Variants in XCR1 observed in about 807,000 individuals in gnomAD.
XCR1 encodes the protein X-C motif chemokine receptor 1, also known as chemokine XC receptor 1.
For missense variants in XCR1, 356 were observed against 424.2 expected (o/e 0.84, Z 1.41); for synonymous variants, 187 against 188.5 (o/e 0.99, Z 0.06).
chr3:46,034,065 T>C (rs1009373697), intron 5 of XCR1, among the ~76,000 whole-genome samples: 6 of 152,054 alleles, frequency 3.9e-5, no homozygotes, highest in Non-Finnish European at 8.8e-5. Context: ...CTCTGCCTCC[T>C]GGGTTCAAGT....
chr3:46,039,078 G>A (rs546508735), intron 5 of XCR1, among the ~76,000 whole-genome samples: 1 of 151,710 alleles, frequency 6.6e-6, no homozygotes, highest in Non-Finnish European at 1.5e-5. Flanking sequence ...ATATGTGCAA[G>A]TGTTTCACTG....
At chr3:46,053,844 T>C (rs34339943) in intron 5 of XCR1, among the ~76,000 whole-genome samples, 13,643 of 151,994 alleles carry the variant, frequency 0.09, 985 homozygotes, top group South Asian at 0.34. Flanking sequence ...TGCCCCATGT[T>C]ACCCTGATTC....
At chr3:46,081,128 A>G (rs1255495139) in intron 1 of XCR1, among the ~76,000 whole-genome samples, 3 of 152,232 alleles carry the variant, frequency 2.0e-5, no homozygotes, top group Non-Finnish European at 4.4e-5. Context: ...GAGCTCCAGA[A>G]CGGCCAAGAA....
At chr3:46,082,408 T>TACAC (rs34278810) in intron 1 of XCR1, among the ~76,000 whole-genome samples, 69 of 146,188 alleles carry the variant, frequency 4.7e-4, no homozygotes, top group Admixed American at 2.1e-3. Flanking sequence ...TATACATGCA[T>TACAC]ACACACACAC....
chr3:46,060,793 C>A (rs1425100557), intron 4 of XCR1, among the ~76,000 whole-genome samples: 1 of 152,208 alleles, frequency 6.6e-6, no homozygotes, highest in Non-Finnish European at 1.5e-5. Context: ...CACACACATC[C>A]TCCTGGAGGA....
intron 4 of XCR1, among the ~76,000 whole-genome samples, chr3:46,054,362 C>A (rs971634895): frequency 2.6e-5 from 4 of 152,108 alleles, no homozygotes; most frequent in African/African-American, 7.2e-5. Flanking sequence ...GCAGTGGGAG[C>A]AGTCGTGAGT....
chr3:46,067,103 C>T (rs191556393), intron 3 of XCR1, among the ~76,000 whole-genome samples: 66 of 152,254 alleles, frequency 4.3e-4, no homozygotes, highest in Admixed American at 8.5e-4. Context: ...GCATAGCATA[C>T]CTCTAGGTGC....
chr3:46,023,873 G>T, intron 1 of XCR1: 1 of 1,526,730 alleles, frequency 6.5e-7, no homozygotes, highest in Non-Finnish European at 9.1e-7. Context: ...GAAAGATTAA[G>T]GAAAGAAAAT....
intron 3 of XCR1, among the ~76,000 whole-genome samples, chr3:46,067,715 T>C (rs566088610): frequency 7.9e-5 from 12 of 152,114 alleles, no homozygotes; most frequent in Non-Finnish European, 1.6e-4. Flanking sequence ...TTCAAAACTG[T>C]CACATGGAGA....
chr3:46,047,818 T>C (rs558004614), intron 5 of XCR1, among the ~76,000 whole-genome samples: 1 of 152,336 alleles, frequency 6.6e-6, no homozygotes, highest in Non-Finnish European at 1.5e-5. Flanking sequence ...TTCTGATTTT[T>C]GTCTTTTCCA....
intron 3 of XCR1, among the ~76,000 whole-genome samples, chr3:46,069,319 G>T (rs1260786527): frequency 6.6e-6 from 1 of 151,958 alleles, no homozygotes; most frequent in Non-Finnish European, 1.5e-5. Flanking sequence ...TCTTTGAAAA[G>T]ATCAATAAAA....
At chr3:46,071,904 T>A (rs112909931) in intron 3 of XCR1, among the ~76,000 whole-genome samples, 7,948 of 151,914 alleles carry the variant, frequency 0.052, 288 homozygotes, top group African/African-American at 0.1. Flanking sequence ...CTGGAACAAG[T>A]CAAGAATGTC....
chr3:46,027,783 C>T (rs1708326941), upstream of XCR1: 1 of 152,288 alleles, frequency 6.6e-6, no homozygotes, highest in Admixed American at 6.5e-5. Context: ...CTCTCCTTGG[C>T]ACGCCTTTGT....
At chr3:46,044,976 A>G (rs1203955750) in intron 5 of XCR1, among the ~76,000 whole-genome samples, 1 of 152,204 alleles carries the variant, frequency 6.6e-6, no homozygotes, top group Non-Finnish European at 1.5e-5. Flanking sequence ...AGCAGAAGGA[A>G]CATTTATGAA....
intron 1 of XCR1, among the ~76,000 whole-genome samples, chr3:46,023,099 C>T (rs923558105): frequency 3.9e-5 from 6 of 152,198 alleles, no homozygotes; most frequent in Non-Finnish European, 7.4e-5. Context: ...AAAACACCAG[C>T]GCGTGTGACG....
At chr3:46,083,545 G>T (rs1451622234) in intron 1 of XCR1, among the ~76,000 whole-genome samples, 1 of 151,442 alleles carries the variant, frequency 6.6e-6, no homozygotes, top group East Asian at 1.9e-4. Context: ...ATAGCTCCAT[G>T]CATTTTTTTT....
At chr3:46,048,999 C>T (rs1034028427) in intron 5 of XCR1, among the ~76,000 whole-genome samples, 9 of 152,150 alleles carry the variant, frequency 5.9e-5, no homozygotes, top group East Asian at 1.9e-4. Flanking sequence ...CTAGTATAAG[C>T]GGGTCCATTG....
At position 46,021,855 on chromosome 3, in the gene XCR1, G is replaced by T; in HGVS notation, c.93C>A (p.Thr31=). ...GGCAGTATAGGACAGTGGTGGCGAGGGTAGCAAAGACCCAGGCCTGGTTCT... is the reference window on the plus strand; with the variant it reads ...GGCAGTATAGGACAGTGGTGGCGAGTGTAGCAAAGACCCAGGCCTGGTTCT... The part of the protein sequence containing the change: ...PCENQAWVFA[T]LATTVLYCLV... Residue 31 remains threonine, a synonymous_variant, in exon 2 of 2, where the codon ACC becomes ACA. Transcript: ENST00000309285. The surrounding 1 kb of genome is among the most constrained non-coding windows in gnomAD (Gnocchi z 4.7). The T allele has an allele frequency of 6.2e-7, 1 of 1,614,064 alleles. No homozygotes were observed.
At chr3:46,032,657 C>T (rs1708419475) in intron 5 of XCR1, among the ~76,000 whole-genome samples, 1 of 152,220 alleles carries the variant, frequency 6.6e-6, no homozygotes, top group African/African-American at 2.4e-5. Flanking sequence ...CCCCAAAGAT[C>T]TTGTAACAAT....
Sources: gnomAD v4.1 joint callset for allele counts (sites outside exome capture counted in the v4.1 genomes callset) on GRCh38, gnomAD v4.1.1 for gene constraint, Gnocchi (gnomAD v3.1) non-coding constraint, MANE v1.5 for transcripts, NCBI Gene and HGNC (gene_info 2026-07-23, HGNC 2026-07-21) for gene names.